Variants in SETD3 observed in about 807,000 individuals in gnomAD.
SETD3 encodes SET domain containing 3, actin N3(tau)-histidine methyltransferase, also known as actin-histidine N-methyltransferase.
In SETD3, 19 loss-of-function variants were observed where a neutral mutation model predicts 63.0. The observed-to-expected ratio is 0.30, with a 90% CI of 0.21 to 0.44. The LOEUF (loss-of-function observed/expected upper bound fraction) is 0.44. Ranked by LOEUF, SETD3 falls within the 20% of genes least tolerant of loss-of-function variation. SETD3 has a pLI of 1.00. For synonymous variants in SETD3, 286 were observed against 264.1 expected (o/e 1.08, Z -0.80); for missense variants, 587 against 728.5 (o/e 0.81, Z 2.24).
chr14:99,413,068 A>G lies in SETD3; in HGVS notation c.735-3T>C, dbSNP rs147357298. The G allele has an allele frequency of 4.1e-4, 640 of 1,554,760 alleles. 3 individuals are homozygous for G. In the African/African-American group the frequency reaches 7.2e-3, roughly 18 times the overall value. ...TCATAACAGAAGAGACTGCCCACCT[A>G]TAACAAGATAAATGGTGACTTAAGG... On this transcript the variant is annotated splice_polypyrimidine_tract_variant and splice_region_variant and intron_variant, in intron 7 of 12. Coordinates refer to ENST00000331768, the MANE Select transcript of SETD3 (RefSeq NM_032233.3).
chr14:99,478,963 G>C (rs1896115311), intron 1 of SETD3, among the ~76,000 whole-genome samples: 1 of 152,180 alleles, frequency 6.6e-6, no homozygotes, highest in Non-Finnish European at 1.5e-5. Flanking sequence ...TCCACGGCAC[G>C]GAAGAGCAGC....
intron 6 of SETD3, among the ~76,000 whole-genome samples, chr14:99,434,033 C>A (rs1162576190): frequency 6.6e-6 from 1 of 152,120 alleles, no homozygotes; most frequent in Non-Finnish European, 1.5e-5. Context: ...TCACTCAATA[C>A]CCCAATGATT....
intron 6 of SETD3, among the ~76,000 whole-genome samples, chr14:99,446,048 G>A (rs753191899): frequency 1.9e-4 from 29 of 152,194 alleles, no homozygotes; most frequent in Non-Finnish European, 4.0e-4. Context: ...AGGAGATGGA[G>A]GAAAAACTGT....
intron 6 of SETD3, among the ~76,000 whole-genome samples, chr14:99,439,778 G>A (rs1285045552): frequency 6.7e-6 from 1 of 149,204 alleles, no homozygotes; most frequent in Non-Finnish European, 1.5e-5. Flanking sequence ...ACACATAAAT[G>A]TATGTATTTA....
At chr14:99,415,234 G>T (rs1223393351) in intron 6 of SETD3, among the ~76,000 whole-genome samples, 2 of 152,070 alleles carry the variant, frequency 1.3e-5, no homozygotes, top group Non-Finnish European at 2.9e-5. Context: ...TTATTTTTAC[G>T]TATTTTAATT....
intron 9 of SETD3, 93 bp downstream of exon 9, chr14:99,406,423 C>A: frequency 1.7e-6 from 2 of 1,173,050 alleles, no homozygotes; most frequent in East Asian, 4.8e-5. Flanking sequence ...CATTTTTTCC[C>A]CTAAGTTAAG....
chr14:99,446,285 C>T (rs1894125679), intron 6 of SETD3, among the ~76,000 whole-genome samples: 2 of 152,336 alleles, frequency 1.3e-5, no homozygotes, highest in Middle Eastern at 6.8e-3. Context: ...TATTTCTGGC[C>T]TCTATTCTGA....
At chr14:99,447,886 G>A (rs2139741957) in intron 6 of SETD3, among the ~76,000 whole-genome samples, 1 of 152,272 alleles carries the variant, frequency 6.6e-6, no homozygotes, top group South Asian at 2.1e-4. Flanking sequence ...TGATCTTTAG[G>A]GAGCTGGAAG....
chr14:99,458,149 A>G, intron 6 of SETD3, 130 bp downstream of exon 6: 1 of 1,088,858 alleles, frequency 9.2e-7, no homozygotes, highest in Non-Finnish European at 1.3e-6. Context: ...AATGTATTTT[A>G]TATTTTCAAT....
At chr14:99,479,959 G>A (rs539749072) in intron 1 of SETD3, among the ~76,000 whole-genome samples, 2 of 151,866 alleles carry the variant, frequency 1.3e-5, no homozygotes, top group African/African-American at 2.4e-5. Flanking sequence ...GTGGAGACCG[G>A]GAAAAGACAA....
At chr14:99,423,588 CAAAAAAA>C (rs536996347) in intron 6 of SETD3, among the ~76,000 whole-genome samples, 727 of 36,866 alleles carry the variant, frequency 0.02, 14 homozygotes, top group Middle Eastern at 0.071. Context: ...CACTGTTATG[CAAAAAAA>C]AAAAAAAAAA....
intron 6 of SETD3, among the ~76,000 whole-genome samples, chr14:99,439,142 C>G (rs1893649851): frequency 6.6e-6 from 1 of 152,226 alleles, no homozygotes; most frequent in South Asian, 2.1e-4. Flanking sequence ...ACAGGCAACC[C>G]TGGGAGATTC....
At chr14:99,410,219 AAG>A (rs1465739562) in intron 8 of SETD3, 3 of 1,613,588 alleles carry the variant, frequency 1.9e-6, no homozygotes, top group Non-Finnish European at 2.5e-6. Flanking sequence ...CTGGTGTCTG[AAG>A]AATAGCAGGG....
At chr14:99,409,494 C>T (rs1891861313) in intron 8 of SETD3, among the ~76,000 whole-genome samples, 1 of 152,154 alleles carries the variant, frequency 6.6e-6, no homozygotes. Context: ...CACCACCTGC[C>T]TGCAGCGCAC....
chr14:99,478,599 C>A (rs906809550), intron 1 of SETD3: 5 of 152,134 alleles, frequency 3.3e-5, no homozygotes, highest in Non-Finnish European at 7.4e-5. Context: ...TCAGAGTAAC[C>A]CTGACTTGGA....
chr14:99,429,085 C>T (rs1394493447), intron 6 of SETD3, among the ~76,000 whole-genome samples: 1 of 152,176 alleles, frequency 6.6e-6, no homozygotes, highest in Non-Finnish European at 1.5e-5. Context: ...TCAAGATGGG[C>T]TGGAATCTGC....
At chr14:99,457,144 A>G (rs1474909762) in intron 6 of SETD3, among the ~76,000 whole-genome samples, 1 of 152,232 alleles carries the variant, frequency 6.6e-6, no homozygotes, top group Non-Finnish European at 1.5e-5. Flanking sequence ...GCAGGTGCAC[A>G]CTATATGAAG....
intron 11 of SETD3, among the ~76,000 whole-genome samples, chr14:99,401,255 T>C (rs1312524893): frequency 1.3e-5 from 2 of 152,006 alleles, no homozygotes; most frequent in East Asian, 3.9e-4. Flanking sequence ...TATCTCCAAA[T>C]ATATTTAAGA....
chr14:99,419,798 C>A (rs1595171166), intron 6 of SETD3, among the ~76,000 whole-genome samples: 2 of 150,876 alleles, frequency 1.3e-5, no homozygotes, highest in Admixed American at 1.3e-4. Context: ...AAAAAAAAAA[C>A]CTTTTTATTA....
Sources: gnomAD v4.1 joint callset for allele counts (sites outside exome capture counted in the v4.1 genomes callset) on GRCh38, gnomAD v4.1.1 for gene constraint, MANE v1.5 for transcripts, NCBI Gene and HGNC (gene_info 2026-07-23, HGNC 2026-07-21) for gene names.